Variants in GREB1L observed in about 807,000 individuals in gnomAD.
The protein encoded by GREB1L is GREB1-like protein.
A neutral mutation model predicts 200.8 loss-of-function variants in GREB1L; 17 were observed. The ratio of observed to expected loss-of-function variants is 0.08; its 90% CI spans 0.06 to 0.13. The LOEUF (loss-of-function observed/expected upper bound fraction) is 0.13. GREB1L is among the 10% of genes least tolerant of loss of function. The pLI is 1.00. For missense variants in GREB1L, 1,657 were observed against 2,367.7 expected (o/e 0.70, Z 6.23); for synonymous variants, 789 against 893.0 (o/e 0.88, Z 2.08).
rs138418107 is a variant in GREB1L at position 21,399,318 on chromosome 18, T to C, written c.533-1832T>C. ...TGAAGATGCCATAATCAGACCAGAATGTAGTTTCCACAAAGGCAGGGACTT... is the reference window on the plus strand; with the variant it reads ...TGAAGATGCCATAATCAGACCAGAACGTAGTTTCCACAAAGGCAGGGACTT... On this transcript the variant is annotated intron_variant, in intron 5 of 32. Transcript: ENST00000424526. Among the ~76,000 whole-genome samples, 130 of 152,330 alleles carry C rather than the reference T, an allele frequency of 8.5e-4. 1 individual carries two copies. The highest frequency in any genetic ancestry group is 8.8e-5 in the Non-Finnish European group (6 of 68,026).
intron 2 of GREB1L, among the ~76,000 whole-genome samples, chr18:21,373,025 G>C (rs552014856): frequency 6.1e-4 from 93 of 151,874 alleles, no homozygotes; most frequent in African/African-American, 2.1e-3. Context: ...GTGTGGTCCA[G>C]GGAAGGCAAA....
At chr18:21,277,745 G>A (rs1190916895) in intron 1 of GREB1L, among the ~76,000 whole-genome samples, 1 of 152,230 alleles carries the variant, frequency 6.6e-6, no homozygotes, top group African/African-American at 2.4e-5. Flanking sequence ...ACACCATGCC[G>A]TGCTGCACCC....
chr18:21,466,334 A>C (rs2035261843), intron 15 of GREB1L, among the ~76,000 whole-genome samples: 1 of 152,062 alleles, frequency 6.6e-6, no homozygotes, highest in South Asian at 2.1e-4. Flanking sequence ...AAGAATGCTA[A>C]ATTTTTTCCA....
chr18:21,305,845 A>C (rs73959831), intron 1 of GREB1L, among the ~76,000 whole-genome samples: 1,777 of 152,236 alleles, frequency 0.012, 40 homozygotes, highest in African/African-American at 0.041. Flanking sequence ...TGCCCAGCTC[A>C]TTCCCAGCTA....
At chr18:21,329,150 C>T (rs2039068095) in intron 1 of GREB1L, among the ~76,000 whole-genome samples, 1 of 151,862 alleles carries the variant, frequency 6.6e-6, no homozygotes, top group Non-Finnish European at 1.5e-5. Flanking sequence ...ATGGTGCCAC[C>T]CCCATCTCTA....
chr18:21,498,223 T>C (rs1253421794), intron 21 of GREB1L, among the ~76,000 whole-genome samples: 1 of 152,076 alleles, frequency 6.6e-6, no homozygotes, highest in East Asian at 1.9e-4. Context: ...GGTCTTCCTG[T>C]CCATTCTGGC....
intron 1 of GREB1L, among the ~76,000 whole-genome samples, chr18:21,329,031 T>C (rs893391766): frequency 6.6e-6 from 1 of 151,988 alleles, no homozygotes; most frequent in Non-Finnish European, 1.5e-5. Flanking sequence ...ACTTAAAATA[T>C]TGTAATGGAG....
At position 21,438,960 on chromosome 18, in the gene GREB1L, C is replaced by CAA. The variant is rs59125788; in HGVS notation, c.833-543_833-542dup. On this transcript the variant is annotated intron_variant, in intron 7 of 32. Transcript: ENST00000424526. ...TGGGCGACAGAGTGAGACTCTGTCTCAAAAAAAAAAAAAAAAAAAGAAAAG... is the reference window on the plus strand; with the variant it reads ...TGGGCGACAGAGTGAGACTCTGTCTCAAAAAAAAAAAAAAAAAAAAAGAAAAG... Among the ~76,000 whole-genome samples, 201 of 64,476 alleles carry CAA rather than the reference C, an allele frequency of 3.1e-3. 2 individuals are homozygous for CAA. The highest frequency in any genetic ancestry group is 0.015 in the East Asian group (36 of 2,344). 42.3% of individuals were successfully genotyped at this position (64,476 alleles called of 152,430 possible).
chr18:21,454,587 A>G (rs1568025144), intron 15 of GREB1L, 24 bp downstream of exon 15: 1 of 1,523,376 alleles, frequency 6.6e-7, no homozygotes, highest in South Asian at 1.2e-5. Context: ...TTCAAAGAGG[A>G]GCCCACCTAG....
At chr18:21,395,128 A>G (rs1198478921) in intron 4 of GREB1L, among the ~76,000 whole-genome samples, 3 of 151,086 alleles carry the variant, frequency 2.0e-5, no homozygotes, top group South Asian at 4.2e-4. Context: ...AAAAAGAAAA[A>G]AAAAAGAAAA....
chr18:21,335,809 G>A (rs1194602215), intron 1 of GREB1L, among the ~76,000 whole-genome samples: 3 of 151,788 alleles, frequency 2.0e-5, no homozygotes, highest in Non-Finnish European at 2.9e-5. Flanking sequence ...GACTACAGGC[G>A]CCTGCTACCA....
intron 12 of GREB1L, 30 bp from the exon 13 acceptor site, chr18:21,450,993 G>C: frequency 6.5e-7 from 1 of 1,546,754 alleles, no homozygotes. Context: ...TTCTGTTGAT[G>C]AGTCTTCTCT....
At chr18:21,453,662 G>A (rs771072786) in intron 14 of GREB1L, among the ~76,000 whole-genome samples, 41 of 152,194 alleles carry the variant, frequency 2.7e-4, no homozygotes, top group Non-Finnish European at 5.1e-4. Flanking sequence ...CACCTGCTGA[G>A]TGGCCAGCTG....
chr18:21,312,538 A>T (rs1313483930), intron 1 of GREB1L, among the ~76,000 whole-genome samples: 1 of 143,512 alleles, frequency 7.0e-6, no homozygotes, highest in African/African-American at 2.9e-5. Context: ...TCTTTATTTT[A>T]TTTATTTATT....
At chr18:21,351,694 G>A (rs1460273195) in intron 1 of GREB1L, among the ~76,000 whole-genome samples, 1 of 152,056 alleles carries the variant, frequency 6.6e-6, no homozygotes, top group Non-Finnish European at 1.5e-5. Context: ...GTTTCAATAG[G>A]CACAGAAAGG....
chr18:21,490,368 C>T lies in GREB1L; in HGVS notation c.3030+17C>T, dbSNP rs2036284515. 1 of 1,535,802 alleles carries T rather than the reference C, an allele frequency of 6.5e-7. No individual in the cohort carries two copies. Among genetic ancestry groups the T allele is most frequent in the African/African-American group, 1.4e-5 (1 of 72,728 alleles). Reference sequence around the variant, plus strand: ...CGATTAAAGGTTAGCAATGGACAGACATTTCTCCTTTAAAATACCATTTGT... The same window carrying T: ...CGATTAAAGGTTAGCAATGGACAGATATTTCTCCTTTAAAATACCATTTGT... On this transcript the variant is annotated intron_variant, in intron 19 of 32. Transcript: ENST00000424526.
chr18:21,298,684 G>GA (rs2038568739), intron 1 of GREB1L, among the ~76,000 whole-genome samples: 1 of 152,104 alleles, frequency 6.6e-6, no homozygotes. Flanking sequence ...TATTTCCAAT[G>GA]AAAAAAATGA....
At chr18:21,253,956 C>T (rs1375129716) in intron 1 of GREB1L, among the ~76,000 whole-genome samples, 1 of 151,164 alleles carries the variant, frequency 6.6e-6, no homozygotes, top group East Asian at 1.9e-4. Context: ...CCTGCCTCAG[C>T]CTTCAGAGTA....
At chr18:21,486,607 C>T (rs1364769046) in intron 18 of GREB1L, among the ~76,000 whole-genome samples, 1 of 151,960 alleles carries the variant, frequency 6.6e-6, no homozygotes, top group Non-Finnish European at 1.5e-5. Context: ...GATTAAGGAA[C>T]ATAACTGCTG....
Sources: gnomAD v4.1 joint callset for allele counts (sites outside exome capture counted in the v4.1 genomes callset) on GRCh38, gnomAD v4.1.1 for gene constraint, MANE v1.5 for transcripts, NCBI Gene and HGNC (gene_info 2026-07-23, HGNC 2026-07-21) for gene names.